Variants in IQCJ observed in about 807,000 individuals in gnomAD.
IQCJ encodes the protein IQ domain-containing protein J.
IQCJ carries 9 observed loss-of-function variants against 11.0 expected under a neutral mutation model. The ratio of observed to expected loss-of-function variants is 0.82; its 90% confidence interval spans 0.49 to 1.43. The LOEUF is 1.43. Ranked by LOEUF, IQCJ falls within the 40% of genes most tolerant of loss-of-function variation. The pLI is 0.00. For synonymous variants in IQCJ, 55 were observed against 51.3 expected (o/e 1.07, Z -0.31); for missense variants, 146 against 133.2 (o/e 1.10, Z -0.47).
At chr3:159,122,006 T>G (rs1719408822) in intron 1 of IQCJ, among the ~76,000 whole-genome samples, 1 of 152,220 alleles carries the variant, frequency 6.6e-6, no homozygotes, top group Non-Finnish European at 1.5e-5. Context: ...AACAAAAATT[T>G]ATTTCTCCCA....
chr3:159,147,020 A>G (rs951626081), intron 1 of IQCJ, among the ~76,000 whole-genome samples: 1 of 152,238 alleles, frequency 6.6e-6, no homozygotes, highest in Non-Finnish European at 1.5e-5. Context: ...AGCATCTATG[A>G]ATTAAGTCAC....
At chr3:159,241,508 T>C (rs1726922976) in intron 1 of IQCJ, among the ~76,000 whole-genome samples, 1 of 152,222 alleles carries the variant, frequency 6.6e-6, no homozygotes, top group Non-Finnish European at 1.5e-5. Flanking sequence ...AAACAGATGT[T>C]CACAGCATCA....
chr3:159,088,021 T>A (rs1335049231), intron 1 of IQCJ, among the ~76,000 whole-genome samples: 11 of 152,166 alleles, frequency 7.2e-5, no homozygotes, highest in Non-Finnish European at 1.6e-4. Flanking sequence ...AGGGTGTCAA[T>A]TTTAGATCTT....
At chr3:159,222,439 AT>A (rs1355851721) in intron 1 of IQCJ, among the ~76,000 whole-genome samples, 1 of 152,206 alleles carries the variant, frequency 6.6e-6, no homozygotes, top group Non-Finnish European at 1.5e-5. Flanking sequence ...AAAGAAAAAT[AT>A]TGCATAATGT....
intron 1 of IQCJ, among the ~76,000 whole-genome samples, chr3:159,081,291 T>A (rs1716292610): frequency 6.6e-6 from 1 of 152,138 alleles, no homozygotes; most frequent in Admixed American, 6.6e-5. Flanking sequence ...CAGTAGACTC[T>A]CTCTGGCGCC....
intron 1 of IQCJ, among the ~76,000 whole-genome samples, chr3:159,222,741 T>C (rs1725624266): frequency 6.6e-6 from 1 of 152,204 alleles, no homozygotes; most frequent in South Asian, 2.1e-4. Flanking sequence ...AGGCAATGCA[T>C]ATATTAAATT....
chr3:159,087,278 A>G (rs1716854113), intron 1 of IQCJ, among the ~76,000 whole-genome samples: 1 of 151,778 alleles, frequency 6.6e-6, no homozygotes, highest in Admixed American at 6.6e-5. Context: ...CCACTTGATC[A>G]TGGTGGATAA....
chr3:159,115,955 G>T (rs1393073871), intron 1 of IQCJ, among the ~76,000 whole-genome samples: 3 of 152,226 alleles, frequency 2.0e-5, no homozygotes, highest in African/African-American at 7.2e-5. Context: ...AGCATTAGGA[G>T]AAATACCTAA....
At chr3:159,094,885 TG>T (rs1328768286) in intron 1 of IQCJ, among the ~76,000 whole-genome samples, 5 of 151,878 alleles carry the variant, frequency 3.3e-5, no homozygotes, top group Non-Finnish European at 7.3e-5. Flanking sequence ...TTATCTAATA[TG>T]TACCTGTATC....
intron 1 of IQCJ, among the ~76,000 whole-genome samples, chr3:159,127,296 G>T (rs1198007641): frequency 6.6e-6 from 1 of 152,162 alleles, no homozygotes; most frequent in Non-Finnish European, 1.5e-5. Context: ...GGAGGCAGGG[G>T]TTGGCAAGGG....
intron 1 of IQCJ, among the ~76,000 whole-genome samples, chr3:159,184,428 G>A (rs1455670569): frequency 4.6e-5 from 7 of 152,080 alleles, no homozygotes. Context: ...TCTTCTCAAT[G>A]TCTAAACTTA....
intron 1 of IQCJ, among the ~76,000 whole-genome samples, chr3:159,187,070 A>G (rs10513537): frequency 0.16 from 24,579 of 152,252 alleles, 2,170 homozygotes; most frequent in Admixed American, 0.22. Context: ...ACAAGCTATT[A>G]TAACAGAATT....
intron 2 of IQCJ, among the ~76,000 whole-genome samples, chr3:159,252,241 C>T (rs769954345): frequency 1.3e-4 from 20 of 152,192 alleles, no homozygotes; most frequent in Non-Finnish European, 2.6e-4. Flanking sequence ...TTCTCTATAG[C>T]CCTCTGCCTT....
chr3:159,135,800 C>T (rs372444224), intron 1 of IQCJ, among the ~76,000 whole-genome samples: 1 of 152,138 alleles, frequency 6.6e-6, no homozygotes, highest in African/African-American at 2.4e-5. Flanking sequence ...CAGTTTCTGC[C>T]ACATGTAACC....
intron 1 of IQCJ, among the ~76,000 whole-genome samples, chr3:159,082,376 C>T (rs1716377462): frequency 6.7e-6 from 1 of 149,882 alleles, no homozygotes; most frequent in Admixed American, 6.7e-5. Context: ...CCCTATTTTA[C>T]AGATGAAAAA....
chr3:159,134,513 C>T (rs1720174232), intron 1 of IQCJ, among the ~76,000 whole-genome samples: 1 of 152,164 alleles, frequency 6.6e-6, no homozygotes, highest in South Asian at 2.1e-4. Flanking sequence ...GGCCATGGAA[C>T]AAACCCAAGA....
intron 1 of IQCJ, among the ~76,000 whole-genome samples, chr3:159,169,530 T>C (rs9859695): frequency 0.41 from 61,993 of 151,680 alleles, 13,306 homozygotes; most frequent in South Asian, 0.56. Context: ...CCTCAGGTAA[T>C]CCACCCGCCT....
intron 1 of IQCJ, among the ~76,000 whole-genome samples, chr3:159,084,690 C>A (rs527787645): frequency 1.3e-5 from 2 of 152,150 alleles, no homozygotes; most frequent in South Asian, 4.1e-4. Context: ...CCAGAGGTTA[C>A]CTTCCCTCCA....
At chr3:159,109,941 A>G (rs1718521235) in intron 1 of IQCJ, among the ~76,000 whole-genome samples, 1 of 152,330 alleles carries the variant, frequency 6.6e-6, no homozygotes, top group South Asian at 2.1e-4. Context: ...CGTATGGAGC[A>G]TCACTCCTAA....
Sources: allele counts gnomAD v4.1 joint callset (sites outside exome capture counted in the v4.1 genomes callset), GRCh38; gene constraint gnomAD v4.1.1; transcripts MANE v1.5; gene names NCBI Gene and HGNC (gene_info 2026-07-23, HGNC 2026-07-21).